OSBPL3: variants seen among roughly 807,000 people sequenced by gnomAD.
OSBPL3 encodes the protein oxysterol-binding protein-related protein 3.
Under a neutral mutation model 120.1 loss-of-function variants are expected in OSBPL3, and 65 were observed. The observed-to-expected ratio is 0.54, with a 90% confidence interval of 0.44 to 0.67. The LOEUF (loss-of-function observed/expected upper bound fraction) is 0.67, where lower values mean the gene tolerates loss of function less well. OSBPL3 is among the 30% of genes least tolerant of loss of function. The pLI is 0.00. For synonymous variants in OSBPL3, 416 were observed against 402.6 expected (o/e 1.03, Z -0.40); for missense variants, 1,004 against 1,082.1 (o/e 0.93, Z 1.01).
chr7:24,842,734 T>A (rs1177472227), intron 12 of OSBPL3, among the ~76,000 whole-genome samples: 1 of 152,256 alleles, frequency 6.6e-6, no homozygotes, highest in Admixed American at 6.5e-5. Context: ...TATCCTCTTA[T>A]TCGCTACCAC....
At chr7:24,864,425 A>C (rs565400553) in intron 7 of OSBPL3, among the ~76,000 whole-genome samples, 411 of 152,308 alleles carry the variant, frequency 2.7e-3, no homozygotes, top group African/African-American at 8.3e-3. Context: ...ATTGCTGATA[A>C]GTTCCCGGGT....
chr7:24,907,483 A>G (rs1207893770), intron 1 of OSBPL3, among the ~76,000 whole-genome samples: 2 of 152,202 alleles, frequency 1.3e-5, no homozygotes, highest in Non-Finnish European at 2.9e-5. Context: ...CACTCAGCAT[A>G]GTCCTTGCCA....
chr7:24,939,827 T>G lies in OSBPL3; in HGVS notation c.-150+40059A>C, dbSNP rs1584683241. 6.6e-6 allele frequency among the ~76,000 whole-genome samples: 1 copy of G among 152,090 alleles called. No individual in the cohort carries two copies. Among genetic ancestry groups the G allele is most frequent in the Non-Finnish European group, 1.5e-5 (1 of 67,984 alleles). On this transcript the variant is annotated intron_variant, in intron 1 of 22. Coordinates refer to ENST00000313367, the MANE Select transcript of OSBPL3 (RefSeq NM_015550.4). This position sits in a 1 kb window ranked among gnomAD's most constrained non-coding sequence, Gnocchi z 4.2. ...AAAATCAGTAACAGGGGGCTATAAC[T>G]AAAGTTAGGAGGGTGGGAGGAAAGA... is the stretch of plus-strand genomic sequence containing the variant.
Position 24,937,397 on chromosome 7 carries a change from C to G in OSBPL3, c.-150+42489G>C, listed in dbSNP as rs534426532. Among the ~76,000 whole-genome samples the G allele has an allele frequency of 6.6e-6, 1 of 152,158 alleles. No homozygotes were observed. The highest frequency in any genetic ancestry group is 1.5e-5 in the Non-Finnish European group (1 of 68,036). Reference sequence around the variant, plus strand: ...CAATTGTTTAACTATTATGAATGGGCTCATTCTGTATATAATCCCCAATTT... The same window carrying G: ...CAATTGTTTAACTATTATGAATGGGGTCATTCTGTATATAATCCCCAATTT... On this transcript the variant is annotated intron_variant, in intron 1 of 22. Transcript: ENST00000313367. This position sits in a 1 kb window ranked among gnomAD's most constrained non-coding sequence, Gnocchi z 4.0.
rs1803059187 is a variant in OSBPL3, at chr7:24,877,821, C to T, written c.97-5752G>A. Among the ~76,000 whole-genome samples the T allele has an allele frequency of 6.6e-6, 1 of 152,154 alleles. No individual in the cohort carries two copies. Among genetic ancestry groups the T allele is most frequent in the African/African-American group, 2.4e-5 (1 of 41,424 alleles). ...ACCTTGAGCTGCATATCCTGAGACACAGTACAGGGTAGACTTGGGCCCTTG... is the reference window on the plus strand; with the variant it reads ...ACCTTGAGCTGCATATCCTGAGACATAGTACAGGGTAGACTTGGGCCCTTG... On this transcript the variant is annotated intron_variant, in intron 2 of 22. Coordinates refer to ENST00000313367, the MANE Select transcript of OSBPL3 (RefSeq NM_015550.4). This position sits in a 1 kb window ranked among gnomAD's most constrained non-coding sequence, Gnocchi z 4.8.
chr7:24,887,060 A>C (rs1047171948), intron 2 of OSBPL3, among the ~76,000 whole-genome samples: 3 of 152,254 alleles, frequency 2.0e-5, no homozygotes, highest in African/African-American at 7.2e-5. Flanking sequence ...GTTTTTATAA[A>C]AATCACTTTA....
chr7:24,943,862 A>C (rs1376898162), intron 1 of OSBPL3, among the ~76,000 whole-genome samples: 1 of 152,124 alleles, frequency 6.6e-6, no homozygotes, highest in Non-Finnish European at 1.5e-5. Context: ...TTGAATCTTG[A>C]TATTTATCAT....
intron 1 of OSBPL3, among the ~76,000 whole-genome samples, chr7:24,893,428 T>C (rs1805653709): frequency 6.6e-6 from 1 of 152,180 alleles, no homozygotes; most frequent in Admixed American, 6.5e-5. Context: ...GGCAAATCCA[T>C]AGAGACAGAA....
At position 24,938,865 on chromosome 7, in the gene OSBPL3, GA is replaced by G. The variant is rs535931348; in HGVS notation, c.-150+41020del. On this transcript the variant is annotated intron_variant, in intron 1 of 22. Transcript: ENST00000313367. The surrounding 1 kb of genome is among the most constrained non-coding windows in gnomAD (Gnocchi z 5.8). ...GAGCAAAACTAATGTGGCCAAGAAAGAAAAAAAAAAAAGATTGTTATTAAGG... is the reference window on the plus strand; with the variant it reads ...GAGCAAAACTAATGTGGCCAAGAAAGAAAAAAAAAAAGATTGTTATTAAGG... Among the ~76,000 whole-genome samples the G allele has an allele frequency of 0.019, 2,146 of 114,194 alleles. 32 individuals are homozygous for G. Among genetic ancestry groups the G allele is most frequent in the Middle Eastern group, 0.039 (9 of 232 alleles). The allele number at this position is 114,194 out of a possible 152,430, so 74.9% of individuals were successfully genotyped here.
chr7:24,935,963 A>G (rs1410206718), intron 1 of OSBPL3, among the ~76,000 whole-genome samples: 1 of 152,034 alleles, frequency 6.6e-6, no homozygotes, highest in East Asian at 1.9e-4. Context: ...TACATGTGCC[A>G]TGCTGGTGTG....
At chr7:24,961,584 C>T (rs935206888) in intron 1 of OSBPL3, among the ~76,000 whole-genome samples, 4 of 152,176 alleles carry the variant, frequency 2.6e-5, no homozygotes, top group Non-Finnish European at 5.9e-5. Flanking sequence ...GAGGACACAG[C>T]TAGAAGGTGC....
chr7:24,944,671 A>G (rs536680900), intron 1 of OSBPL3, among the ~76,000 whole-genome samples: 3 of 152,238 alleles, frequency 2.0e-5, no homozygotes, highest in South Asian at 4.2e-4. Flanking sequence ...TAAAATCTCA[A>G]TAAACCAAAT....
Position 24,806,831 on chromosome 7 carries a change from G to T in OSBPL3, c.2389C>A (p.Pro797Thr), listed in dbSNP as rs370061408. The change falls in exon 21 of 23, where the codon CCA (proline) becomes ACA (threonine). Residue 797 changes from proline to threonine, a missense_variant. Pro to Thr is a conservative substitution (Grantham distance 38, BLOSUM62 -1). This residue lies in a region of OSBPL3 where 473 missense variants were observed against 568.0 expected (regional missense o/e 0.83). Coordinates refer to ENST00000313367, the MANE Select transcript of OSBPL3 (RefSeq NM_015550.4). The surrounding 1 kb of genome is among the most constrained non-coding windows in gnomAD (Gnocchi z 5.2). The part of the protein sequence containing the change: ...QFALELNEMD[P>T]SSKSLLPPTD... Reference sequence around the variant, plus strand: ...GGTGGCAATAAAGACTTTGATGATGGATCCATTTCATTTAATTCCAGCGCA... The same window carrying T: ...GGTGGCAATAAAGACTTTGATGATGTATCCATTTCATTTAATTCCAGCGCA... The T allele has an allele frequency of 6.2e-7, 1 of 1,613,364 alleles. No homozygotes were observed. The highest frequency in any genetic ancestry group is 8.5e-7 in the Non-Finnish European group (1 of 1,179,438).
rs1989914 is a variant in OSBPL3 at position 24,880,218 on chromosome 7, T to C, written c.97-8149A>G. On this transcript the variant is annotated intron_variant, in intron 2 of 22. Transcript: ENST00000313367. ...TATCCTCATTTTACAGATGAGAAAA[T>C]TGAAGCTCCAAATTAGTTTGTGCAA... is the stretch of plus-strand genomic sequence containing the variant. 4.9e-3 allele frequency among the ~76,000 whole-genome samples: 742 copies of C among 152,242 alleles called. 7 individuals carry two copies. The highest frequency in any genetic ancestry group is 0.017 in the African/African-American group (706 of 41,538).
intron 1 of OSBPL3, among the ~76,000 whole-genome samples, chr7:24,893,726 C>A (rs1329321167): frequency 1.5e-5 from 2 of 129,332 alleles, no homozygotes; most frequent in African/African-American, 5.8e-5. Context: ...GCAGGAGAAT[C>A]GCTTGAAACC....
intron 4 of OSBPL3, 108 bp from the exon 5 acceptor site, chr7:24,870,953 G>A (rs543485513): frequency 1.3e-4 from 100 of 742,132 alleles, no homozygotes; most frequent in South Asian, 1.2e-3. Context: ...CAAACACTGC[G>A]ACTCATCAAG....
At chr7:24,921,208 A>AC in intron 1 of OSBPL3, among the ~76,000 whole-genome samples, 1 of 151,986 alleles carries the variant, frequency 6.6e-6, no homozygotes, top group East Asian at 1.9e-4. Context: ...ACATTAAAAA[A>AC]AAAGTTACAA....
chr7:24,850,503 T>A (rs889798476), intron 11 of OSBPL3, among the ~76,000 whole-genome samples: 6 of 152,230 alleles, frequency 3.9e-5, no homozygotes, highest in African/African-American at 1.2e-4. Flanking sequence ...GCTGAAAGCA[T>A]AGAAGGATGT....
chr7:24,934,862 T>G (rs567142965), intron 1 of OSBPL3, among the ~76,000 whole-genome samples: 2 of 152,346 alleles, frequency 1.3e-5, no homozygotes, highest in East Asian at 3.9e-4. Context: ...ATAATTTTGC[T>G]GAAATGCCTT....
Sources: gnomAD v4.1 joint callset for allele counts (sites outside exome capture counted in the v4.1 genomes callset) on GRCh38, gnomAD v4.1.1 for gene constraint, gnomAD v4.1.1 regional missense constraint, Gnocchi (gnomAD v3.1) non-coding constraint, MANE v1.5 for transcripts, NCBI Gene and HGNC (gene_info 2026-07-23, HGNC 2026-07-21) for gene names.